The following THAP3 variants were observed in gnomAD, a reference collection of about 807,000 sequenced individuals.
THAP3 encodes the protein THAP domain containing 3.
THAP3 carries 12 observed loss-of-function variants against 17.7 expected under a neutral mutation model. The ratio of observed to expected loss-of-function variants is 0.68; its 90% confidence interval spans 0.43 to 1.10. The LOEUF is 1.10. Ranked by LOEUF, THAP3 falls within the 50% of genes least tolerant of loss-of-function variation. The pLI, the probability that THAP3 is intolerant of heterozygous loss-of-function variation, is 0.00. For synonymous variants in THAP3, 133 were observed against 126.9 expected (o/e 1.05, Z -0.32); for missense variants, 289 against 318.0 (o/e 0.91, Z 0.69).
At chr1:6,632,565 G>A in intron 5 of THAP3, 70 bp downstream of exon 5, 1 of 1,600,992 alleles carries the variant, frequency 6.2e-7, no homozygotes, top group Non-Finnish European at 8.5e-7. Flanking sequence ...ATGGAAACCA[G>A]TGAGCACCCA....
At position 6,633,303 on chromosome 1, in the gene THAP3, A is replaced by G; in HGVS notation, c.*226A>G. Reference sequence around the variant, plus strand: ...AGGAGTGCACATCTGTGAGCATGACAAGCTTATCCTCCCATGGTAACAGAA... The same window carrying G: ...AGGAGTGCACATCTGTGAGCATGACGAGCTTATCCTCCCATGGTAACAGAA... On this transcript the variant is annotated 3_prime_UTR_variant, in exon 6 of 6. Transcript: ENST00000054650. 2 of 1,413,638 alleles carry G rather than the reference A, an allele frequency of 1.4e-6. No homozygotes were observed. The highest frequency in any genetic ancestry group is 3.1e-5 in the South Asian group (2 of 64,510). The allele number at this position is 1,413,638 out of a possible 1,614,324, so 87.6% of individuals were successfully genotyped here.
chr1:6,626,997 G>A (rs1361212390), intron 2 of THAP3, among the ~76,000 whole-genome samples: 1 of 152,230 alleles, frequency 6.6e-6, no homozygotes, highest in African/African-American at 2.4e-5. Context: ...TCCCACGAGA[G>A]CTCTGTCACA....
rs1557458545 is a variant in THAP3, at chr1:6,632,936, C to T, written c.579C>T (p.Phe193=). 5.6e-6 allele frequency: 9 copies of T among 1,612,944 alleles called. No homozygotes were observed. Among genetic ancestry groups the T allele is most frequent in the East Asian group, 2.2e-5 (1 of 44,880 alleles). Reference sequence around the variant, plus strand: ...TAGATTCCCTGAAGAAAAAACTCTTCCTCACTCTGAAGGAAAATGAAAAGC... The same window carrying T: ...TAGATTCCCTGAAGAAAAAACTCTTTCTCACTCTGAAGGAAAATGAAAAGC... ...LDLDSLKKKL[F]LTLKENEKLR... is the part of the protein sequence containing the mutation. Residue 193 remains phenylalanine (F), a synonymous_variant, in exon 6 of 6, where the codon TTC becomes TTT. Coordinates refer to ENST00000054650, the MANE Select transcript of THAP3 (RefSeq NM_001195753.2).
At chr1:6,635,541 T>C (rs373328448), downstream of THAP3, 139 of 1,009,722 alleles carry the variant, frequency 1.4e-4, no homozygotes, top group African/African-American at 5.9e-4. Flanking sequence ...CTTCACATAA[T>C]TGATAATGGT....
At position 6,632,718 on chromosome 1, in the gene THAP3, C is replaced by T. The variant is rs1275341446; in HGVS notation, c.439-78C>T. 20 of 1,559,638 alleles carry T rather than the reference C, an allele frequency of 1.3e-5. No homozygotes were observed. The South Asian group carries it at 1.4e-4, about 11-fold the overall frequency. On this transcript the variant is annotated intron_variant, in intron 5 of 5. Coordinates refer to ENST00000054650, the MANE Select transcript of THAP3 (RefSeq NM_001195753.2). ...AGCTGCCCTGGGGTTGTGCTGTGTG[C>T]GTGTCTGGTGGCCTGCTCACCATGG...
chr1:6,632,454 G>A lies in THAP3; in HGVS notation c.397G>A (p.Glu133Lys). 2 of 1,614,182 alleles carry A rather than the reference G, an allele frequency of 1.2e-6. No individual in the cohort carries two copies. Among genetic ancestry groups the A allele is most frequent in the South Asian group, 1.1e-5 (1 of 91,090 alleles). ...PGRNMDTALE[E>K]LQLPPNAEGH... ...GAGAAACATGGACACTGCACTTGAA[G>A]AGCTTCAGTTGCCCCCAAATGCCGA... The change falls in exon 5 of 6, where the codon GAG becomes AAG. Residue 133 changes from glutamate to lysine, a missense_variant. Glu to Lys is a moderately conservative substitution (Grantham distance 56, BLOSUM62 1). Coordinates refer to ENST00000054650, the MANE Select transcript of THAP3 (RefSeq NM_001195753.2).
rs145543265 is a variant in THAP3, at chr1:6,628,691, G to T, written c.267G>T (p.Gln89His). The T allele has an allele frequency of 6.2e-7, 1 of 1,611,812 alleles. No homozygotes were observed. Among genetic ancestry groups the T allele is most frequent in the East Asian group, 2.2e-5 (1 of 44,872 alleles). Reference protein sequence around the residue: ...PTVFAFQDPTQQVRENTDPAS... With the variant: ...PTVFAFQDPTHQVRENTDPAS... ...TGTTCGCCTTTCAGGACCCCACACA[G>T]GTAGGAGGGCACTGCACCTTCCGTC... The change falls in exon 3 of 6, where the codon CAG (glutamine) becomes CAT (histidine). Residue 89 changes from glutamine to histidine, a missense_variant and splice_region_variant. Gln to His is a conservative substitution (Grantham distance 24). Transcript: ENST00000054650.
In THAP3 at chr1:6,628,593, G is replaced by A. The variant is rs1263233057; in HGVS notation, c.169G>A (p.Glu57Lys). Residue 57 changes from glutamate to lysine, a missense_variant, in exon 3 of 6, where the codon GAG (glutamate) becomes AAG (lysine). Coordinates refer to ENST00000054650, the MANE Select transcript of THAP3 (RefSeq NM_001195753.2). ...CAAGCAGCACACGGTCATCTGCTCCGAGCACTTCCGGCCAGAGTGCTTCAG... is the reference window on the plus strand; with the variant it reads ...CAAGCAGCACACGGTCATCTGCTCCAAGCACTTCCGGCCAGAGTGCTTCAG... ...KPKQHTVICSEHFRPECFSAF... is the reference protein window; with the variant it reads ...KPKQHTVICSKHFRPECFSAF... 1.5e-5 allele frequency: 24 copies of A among 1,613,694 alleles called. No homozygotes were observed. Among genetic ancestry groups the A allele is most frequent in the South Asian group, 1.1e-4 (10 of 91,066 alleles).
In THAP3 at chr1:6,633,242, C is replaced by T. The variant is rs1202652407; in HGVS notation, c.*165C>T. 1.4e-6 allele frequency: 2 copies of T among 1,442,064 alleles called. No individual in the cohort carries two copies. Among genetic ancestry groups the T allele is most frequent in the Non-Finnish European group, 1.8e-6 (2 of 1,104,944 alleles). The allele number at this position is 1,442,064 out of a possible 1,614,324, so 89.3% of individuals were successfully genotyped here. A position where few individuals can be genotyped will look rare whatever the true frequency, so the allele number is the denominator to read the frequency against. ...TAGCCAAGCTCCCCGGCGAGAGCCC[C>T]AATGCCGTCTGGGGGACGTTTAGAG... On this transcript the variant is annotated 3_prime_UTR_variant, in exon 6 of 6. Transcript: ENST00000054650.
downstream of THAP3, chr1:6,634,798 C>T (rs531216056): frequency 5.4e-5 from 70 of 1,294,606 alleles, no homozygotes; most frequent in African/African-American, 7.7e-4. Flanking sequence ...CTGGGTACCA[C>T]GGGCCGGGCC....
At chr1:6,634,702 G>A (rs1641722735), downstream of THAP3, 2 of 1,365,432 alleles carry the variant, frequency 1.5e-6, no homozygotes, top group East Asian at 4.6e-5. Flanking sequence ...TGGAGGAAGG[G>A]TCTGAAGGAA....
intron 1 of THAP3, 84 bp downstream of exon 1, chr1:6,625,038 G>A: frequency 6.4e-6 from 4 of 628,154 alleles, no homozygotes; most frequent in South Asian, 6.1e-5. Flanking sequence ...GTGGCGCCCC[G>A]GGTCCCGTCC....
At chr1:6,632,094 T>TAAA (rs1266598115) in intron 4 of THAP3, among the ~76,000 whole-genome samples, 1 of 149,208 alleles carries the variant, frequency 6.7e-6, no homozygotes, top group African/African-American at 2.5e-5. Context: ...CACATGCTTG[T>TAAA]AATTCTAGCT....
intron 2 of THAP3, among the ~76,000 whole-genome samples, chr1:6,626,566 G>C (rs984879279): frequency 6.6e-6 from 1 of 152,218 alleles, no homozygotes; most frequent in Non-Finnish European, 1.5e-5. Flanking sequence ...GGCTGGGCGT[G>C]GTGGCTCACG....
At chr1:6,627,254 C>T (rs560092888) in intron 2 of THAP3, among the ~76,000 whole-genome samples, 4 of 152,310 alleles carry the variant, frequency 2.6e-5, no homozygotes, top group South Asian at 4.1e-4. Flanking sequence ...CCAGGCTTAT[C>T]GGTTCCGCAG....
chr1:6,631,108 C>T (rs928866909), intron 4 of THAP3, among the ~76,000 whole-genome samples: 6 of 152,252 alleles, frequency 3.9e-5, no homozygotes, highest in Admixed American at 2.6e-4. Flanking sequence ...AGGATCAAGC[C>T]ATCCTCCCAC....
In THAP3 at chr1:6,633,537, G is replaced by A. The variant is rs989154530; in HGVS notation, c.*460G>A. 9.1e-6 allele frequency: 10 copies of A among 1,093,568 alleles called. No homozygotes were observed. Among genetic ancestry groups the A allele is most frequent in the Non-Finnish European group, 1.1e-5 (10 of 895,284 alleles). The allele number at this position is 1,093,568 out of a possible 1,614,324, so 67.7% of individuals were successfully genotyped here. A position where few individuals can be genotyped will look rare whatever the true frequency, so the allele number is the denominator to read the frequency against. On this transcript the variant is annotated 3_prime_UTR_variant, in exon 6 of 6. Transcript: ENST00000054650. The stretch of plus-strand genomic sequence containing the variant: ...TCCTGTCCCGGCCTGGTGTGAGTGG[G>A]CAGTGTAATAAAGTGTCTTTCTATA...
intron 3 of THAP3, 41 bp from the exon 4 acceptor site, chr1:6,630,247 G>C: frequency 6.3e-7 from 1 of 1,596,468 alleles, no homozygotes; most frequent in Non-Finnish European, 8.6e-7. Flanking sequence ...AGCTCTGAGG[G>C]TTCTTGGGGT....
At chr1:6,634,714 G>C, downstream of THAP3, 2 of 1,363,670 alleles carry the variant, frequency 1.5e-6, no homozygotes, top group Non-Finnish European at 9.8e-7. Flanking sequence ...CTGAAGGAAG[G>C]CTCCGGAGCA....
Sources: gnomAD v4.1 joint callset for allele counts (sites outside exome capture counted in the v4.1 genomes callset) on GRCh38, gnomAD v4.1.1 for gene constraint, MANE v1.5 for transcripts, NCBI Gene and HGNC (gene_info 2026-07-23, HGNC 2026-07-21) for gene names.